AHNAK2: variants seen among roughly 807,000 people sequenced by gnomAD.
AHNAK2 encodes protein AHNAK2.
Under a neutral mutation model 30.7 loss-of-function variants are expected in AHNAK2, and 18 were observed. That is an observed-to-expected ratio of 0.59 (90% CI 0.41 to 0.87). AHNAK2 has a LOEUF of 0.87. Among genes scored for constraint, AHNAK2 ranks in the 40% least tolerant of loss-of-function variants. The pLI is 0.00. For missense variants in AHNAK2, 8,604 were observed against 7,373.0 expected, an observed-to-expected ratio of 1.17 and a Z score of -6.11; for synonymous variants, 3,590 against 3,073.8, an observed-to-expected ratio of 1.17 and a Z score of -5.56.
chr14:104,946,923 A>G lies in AHNAK2; in HGVS notation c.8528T>C (p.Val2843Ala), dbSNP rs753157666. Residue 2843 changes from valine (V) to alanine (A), a missense_variant, in exon 7 of 7, where the codon GTG (valine) becomes GCG (alanine). Coordinates refer to ENST00000333244, the MANE Select transcript of AHNAK2 (RefSeq NM_138420.4). ...EASVDVSELK[V>A]EADGSFPSMQ... is the part of the protein sequence containing the mutation. ...GGAGGGGAAGCTCCCGTCAGCTTCC[A>G]CCTTCAGCTCAGACACATCCACCGA... The G allele has an allele frequency of 6.2e-6, 10 of 1,611,788 alleles. No homozygotes were observed. Among genetic ancestry groups the G allele is most frequent in the African/African-American group, 2.7e-5 (2 of 73,966 alleles).
chr14:104,948,770 G>A lies in AHNAK2; in HGVS notation c.6681C>T (p.Pro2227=), dbSNP rs371653767. ...GGTGCCCTTTGAGGCCGACTTCCTC[G>A]GGCACAGGGCCCTCCAGGAGTTTCA... is the stretch of plus-strand genomic sequence containing the variant. ...VDVKLLEGPV[P]EEVGLKGHLP... The change falls in exon 7 of 7, where the codon CCC becomes CCT. Residue 2227 remains proline, a synonymous_variant. Transcript: ENST00000333244. 484 of 1,610,898 alleles carry A rather than the reference G, an allele frequency of 3.0e-4. 2 individuals are homozygous for A. Among genetic ancestry groups the A allele is most frequent in the Non-Finnish European group, 3.8e-4 (448 of 1,179,242 alleles).
intron 1 of AHNAK2, among the ~76,000 whole-genome samples, chr14:104,964,857 A>G (rs535384979): frequency 1.2e-4 from 18 of 152,354 alleles, no homozygotes; most frequent in African/African-American, 4.3e-4. Flanking sequence ...AAAATTTTAG[A>G]ATTCTATATA....
In AHNAK2 at chr14:104,954,325, T is replaced by C; in HGVS notation, c.1126A>G (p.Arg376Gly). 1 of 1,613,566 alleles carries C rather than the reference T, an allele frequency of 6.2e-7. No individual in the cohort carries two copies. Among genetic ancestry groups the C allele is most frequent in the Non-Finnish European group, 8.5e-7 (1 of 1,179,880 alleles). ...TCCTGTTCTGCCCTCTCCTCTCTCC[T>C]GCTGCCTGTGGCAGCCCCAGTCTCC... ...LEETGAATGS[R>G]REERAEQDRE... The change falls in exon 7 of 7, where the codon AGG becomes GGG. Residue 376 changes from arginine (R) to glycine (G), a missense_variant. Arg to Gly is a moderately radical substitution (Grantham distance 125, BLOSUM62 -2). Coordinates refer to ENST00000333244, the MANE Select transcript of AHNAK2 (RefSeq NM_138420.4). The surrounding 1 kb of genome is among the most constrained non-coding windows in gnomAD (Gnocchi z 4.3).
rs534212995 is a variant in AHNAK2, at chr14:104,949,953, A to T, written c.5498T>A (p.Phe1833Tyr). 294 of 1,588,410 alleles carry T rather than the reference A, an allele frequency of 1.9e-4. 10 individuals carry two copies. Among genetic ancestry groups the T allele is most frequent in the Middle Eastern group, 1.5e-3 (9 of 6,028 alleles). Residue 1833 changes from phenylalanine to tyrosine, a missense_variant, in exon 7 of 7, where the codon TTC becomes TAC. Phe to Tyr is a conservative substitution (Grantham distance 22). Coordinates refer to ENST00000333244, the MANE Select transcript of AHNAK2 (RefSeq NM_138420.4). ...FKMPKFKMPS[F>Y]GVSAPGKSIE... ...GGACTTGCCTGGGGCAGACACCCCG[A>T]ACGACGGCATCTTGAACTTGGGCAT...
rs755404778 is a variant in AHNAK2 at position 104,939,443 on chromosome 14, G to A, written c.16008C>T (p.Asp5336=). 2 of 1,613,486 alleles carry A rather than the reference G, an allele frequency of 1.2e-6. No individual in the cohort carries two copies. Among genetic ancestry groups the A allele is most frequent in the South Asian group, 1.1e-5 (1 of 91,078 alleles). Residue 5336 remains aspartate, a synonymous_variant, in exon 7 of 7, where the codon GAC becomes GAT. Coordinates refer to ENST00000333244, the MANE Select transcript of AHNAK2 (RefSeq NM_138420.4). ...CTGTTTTATCCTCCATGCTGGCAAG[G>A]TCATGTCCTGGCTTGGAAAGAGGAG... ...DETPLSKPGH[D]LASMEDKTEK... is the part of the protein sequence containing the mutation.
In AHNAK2 at chr14:104,952,382, C is replaced by G; in HGVS notation, c.3069G>C (p.Val1023=). The G allele has an allele frequency of 6.2e-7, 1 of 1,612,844 alleles. No homozygotes were observed. The highest frequency in any genetic ancestry group is 8.5e-7 in the Non-Finnish European group (1 of 1,179,624). ...GGTCGGCCTCCACCTTGGGTGCAGA[C>G]ACATCCACCAAGGCCTTGATGGACT... is the stretch of plus-strand genomic sequence containing the variant. ...PGKSIKALVD[V]SAPKVEADLS... The change falls in exon 7 of 7, where the codon GTG becomes GTC. Residue 1023 remains valine, a synonymous_variant. Transcript: ENST00000333244.
At chr14:104,961,825 T>C (rs1899157825) in intron 1 of AHNAK2, among the ~76,000 whole-genome samples, 2 of 151,754 alleles carry the variant, frequency 1.3e-5, no homozygotes, top group African/African-American at 4.8e-5. Flanking sequence ...ATTTAAAAAT[T>C]AGCCATGCAT....
At chr14:104,969,516 G>T (rs950098794) in intron 1 of AHNAK2, among the ~76,000 whole-genome samples, 1 of 152,228 alleles carries the variant, frequency 6.6e-6, no homozygotes, top group Non-Finnish European at 1.5e-5. Flanking sequence ...CGGCTCCCTG[G>T]TCCCCAGAAC....
In AHNAK2 at chr14:104,947,645, C is replaced by T. The variant is rs756703330; in HGVS notation, c.7806G>A (p.Val2602=). 7 of 1,613,220 alleles carry T rather than the reference C, an allele frequency of 4.3e-6. No homozygotes were observed. In the East Asian group the frequency reaches 1.6e-4, roughly 36 times the overall value. ...KLDLKGPKAE[V]TAPDVEMSLS... is the part of the protein sequence containing the mutation. ...GAGACATCTCCACATCGGGGGCTGTCACTTCCGCCTTGGGGCCTTTCAGGT... is the reference window on the plus strand; with the variant it reads ...GAGACATCTCCACATCGGGGGCTGTTACTTCCGCCTTGGGGCCTTTCAGGT... The change falls in exon 7 of 7, where the codon GTG becomes GTA. Residue 2602 remains valine (V), a synonymous_variant. Coordinates refer to ENST00000333244, the MANE Select transcript of AHNAK2 (RefSeq NM_138420.4).
Position 104,955,157 on chromosome 14 carries a change from G to A in AHNAK2, c.467-16C>T, listed in dbSNP as rs776032985. ...AGCTGATCCCCTAGACCAAGAAAGA[G>A]CAGCCCCAGGGCCGGGTGTGTGAAT... On this transcript the variant is annotated splice_polypyrimidine_tract_variant and intron_variant, in intron 5 of 6. Transcript: ENST00000333244. 3.1e-6 allele frequency: 5 copies of A among 1,593,976 alleles called. No individual in the cohort carries two copies. Among genetic ancestry groups the A allele is most frequent in the South Asian group, 2.2e-5 (2 of 89,798 alleles).
At position 104,940,713 on chromosome 14, in the gene AHNAK2, G is replaced by A; in HGVS notation, c.14738C>T (p.Ser4913Phe). The change falls in exon 7 of 7, where the codon TCC becomes TTC. Residue 4913 changes from serine to phenylalanine, a missense_variant. Physicochemically the swap from Ser to Phe is radical, Grantham distance 155. Transcript: ENST00000333244. The surrounding 1 kb of genome is among the most constrained non-coding windows in gnomAD (Gnocchi z 4.4). ...GCCCTGAGACACACAGGTGCCTGGG[G>A]ATGGCAGCTGGGTGCTTGGCAAGGG... The part of the protein sequence containing the change: ...QCPLPSTQLP[S>F]PGTCVSQGPE... 6.2e-7 allele frequency: 1 copy of A among 1,612,988 alleles called. No individual in the cohort carries two copies. The highest frequency in any genetic ancestry group is 8.5e-7 in the Non-Finnish European group (1 of 1,179,762).
At chr14:104,961,328 C>A (rs1188876704) in intron 1 of AHNAK2, among the ~76,000 whole-genome samples, 4 of 151,552 alleles carry the variant, frequency 2.6e-5, no homozygotes, top group Non-Finnish European at 5.9e-5. Flanking sequence ...TCCTGGCTAA[C>A]ACAGTGAAAC....
intron 1 of AHNAK2, among the ~76,000 whole-genome samples, chr14:104,971,354 A>T (rs1237213966): frequency 1.3e-5 from 2 of 152,112 alleles, no homozygotes; most frequent in Non-Finnish European, 2.9e-5. Flanking sequence ...GGCTCAGGTG[A>T]TCCTCCCGCC....
Position 104,946,893 on chromosome 14 carries a change from T to G in AHNAK2, c.8558A>C (p.Gln2853Pro), listed in dbSNP as rs1898307148. Residue 2853 changes from glutamine to proline, a missense_variant, in exon 7 of 7, where the codon CAA (glutamine) becomes CCA (proline). Coordinates refer to ENST00000333244, the MANE Select transcript of AHNAK2 (RefSeq NM_138420.4). ...GATGTCAGTGGTCTTAAGATCCCCTTGCATGGAGGGGAAGCTCCCGTCAGC... is the reference window on the plus strand; with the variant it reads ...GATGTCAGTGGTCTTAAGATCCCCTGGCATGGAGGGGAAGCTCCCGTCAGC... ...VEADGSFPSM[Q>P]GDLKTTDIRI... 3.1e-6 allele frequency: 5 copies of G among 1,612,438 alleles called. No individual in the cohort carries two copies. Among genetic ancestry groups the G allele is most frequent in the Non-Finnish European group, 4.2e-6 (5 of 1,179,642 alleles).
In AHNAK2 at chr14:104,944,855, G is replaced by C. The variant is rs758053842; in HGVS notation, c.10596C>G (p.Val3532=). The stretch of plus-strand genomic sequence containing the variant: ...GTTCCACATCCACTTGGACAGCCTG[G>C]ACCTCCAGGTCAGCGGAAGGGGGCT... The part of the protein sequence containing the change: ...SIQPPSADLE[V]QAVQVDVELL... The change falls in exon 7 of 7, where the codon GTC becomes GTG. Residue 3532 remains valine (V), a synonymous_variant. Transcript: ENST00000333244. The C allele has an allele frequency of 6.2e-7, 1 of 1,612,874 alleles. No individual in the cohort carries two copies. Among genetic ancestry groups the C allele is most frequent in the Admixed American group, 1.7e-5 (1 of 59,948 alleles).
chr14:104,973,561 C>T (rs1899528352), intron 1 of AHNAK2, among the ~76,000 whole-genome samples: 1 of 152,180 alleles, frequency 6.6e-6, no homozygotes, highest in Non-Finnish European at 1.5e-5. Context: ...GCCCCTCCAG[C>T]CGGCAGGGCT....
In AHNAK2 at chr14:104,956,613, G is replaced by A; in HGVS notation, c.290C>T (p.Thr97Ile). The A allele has an allele frequency of 6.2e-7, 1 of 1,613,878 alleles. No individual in the cohort carries two copies. Among genetic ancestry groups the A allele is most frequent in the Non-Finnish European group, 8.5e-7 (1 of 1,179,862 alleles). Residue 97 changes from threonine to isoleucine, a missense_variant, in exon 4 of 7, where the codon ACA becomes ATA. Coordinates refer to ENST00000333244, the MANE Select transcript of AHNAK2 (RefSeq NM_138420.4). Reference protein sequence around the residue: ...WWKRDSGDSRTFFRMSRPEAV... With the variant: ...WWKRDSGDSRIFFRMSRPEAV... ...CTCTGGACGACTCATCCTGAAAAAT[G>A]TCCGTGAGTCCCCTGAATCTCGCTT...
Position 104,951,892 on chromosome 14 carries a change from C to T in AHNAK2, c.3559G>A (p.Asp1187Asn). 6.2e-7 allele frequency: 1 copy of T among 1,609,786 alleles called. No homozygotes were observed. The highest frequency in any genetic ancestry group is 1.1e-5 in the South Asian group (1 of 90,612). Reference sequence around the variant, plus strand: ...GCCTCCACTTTGGGTGCAGACACATCCACCGAGGCCTCGATGGACTTGCCT... The same window carrying T: ...GCCTCCACTTTGGGTGCAGACACATTCACCGAGGCCTCGATGGACTTGCCT... ...APGKSIEASV[D>N]VSAPKVEADV... The change falls in exon 7 of 7, where the codon GAT becomes AAT. Residue 1187 changes from aspartate (D) to asparagine (N), a missense_variant. Coordinates refer to ENST00000333244, the MANE Select transcript of AHNAK2 (RefSeq NM_138420.4).
Position 104,946,825 on chromosome 14 carries a change from G to A in AHNAK2, c.8626C>T (p.Gln2876Ter). Residue 2876 changes from glutamine (Q) to a stop codon, truncating the protein, a stop_gained, in exon 7 of 7, where the codon CAG (glutamine) becomes TAG (stop). Transcript: ENST00000333244. LOFTEE classifies it low-confidence loss of function (END_TRUNC). ...PSAQLEVQAGQVDVKLPEGHV... is the reference protein window; with the variant it reads ...PSAQLEVQAG ...CCCTCTGGGAGTTTCACGTCCACCT[G>A]GCCAGCCTGGACCTCCAGTTGGGCG... is the stretch of plus-strand genomic sequence containing the variant. 1.2e-6 allele frequency: 2 copies of A among 1,612,660 alleles called. No homozygotes were observed. Among genetic ancestry groups the A allele is most frequent in the East Asian group, 2.2e-5 (1 of 44,756 alleles).
Sources: gnomAD v4.1 joint callset for allele counts (sites outside exome capture counted in the v4.1 genomes callset) on GRCh38, gnomAD v4.1.1 for gene constraint, Gnocchi (gnomAD v3.1) non-coding constraint, MANE v1.5 for transcripts, NCBI Gene and HGNC (gene_info 2026-07-23, HGNC 2026-07-21) for gene names.